The following MYCBP2 variants were observed in gnomAD, a reference collection of about 807,000 sequenced individuals.
MYCBP2 encodes the protein MYC binding protein 2, also known as E3 ubiquitin-protein ligase MYCBP2.
In MYCBP2, 120 loss-of-function variants were observed where a neutral mutation model predicts 525.3. The ratio of observed to expected loss-of-function variants is 0.23; its 90% confidence interval spans 0.20 to 0.27. The LOEUF (loss-of-function observed/expected upper bound fraction) is 0.27. Ranked by LOEUF, MYCBP2 falls within the 10% of genes least tolerant of loss-of-function variation. MYCBP2 has a pLI of 1.00. For missense variants in MYCBP2, 4,149 were observed against 5,657.1 expected, an observed-to-expected ratio of 0.73 and a Z score of 8.55; for synonymous variants, 1,894 against 1,955.8, an observed-to-expected ratio of 0.97 and a Z score of 0.83.
intron 2 of MYCBP2, among the ~76,000 whole-genome samples, chr13:77,294,133 T>TATATATATAC (rs2077902843): frequency 8.6e-5 from 11 of 127,264 alleles, no homozygotes; most frequent in African/African-American, 2.5e-4. Context: ...TATATATACA[T>TATATATATAC]ATATATATAC....
chr13:77,072,148 G>C (rs2041429059), intron 68 of MYCBP2, among the ~76,000 whole-genome samples: 1 of 151,908 alleles, frequency 6.6e-6, no homozygotes, highest in Admixed American at 6.6e-5. Context: ...AAAATTAGCT[G>C]GGCATGGTGG....
In MYCBP2 at chr13:77,077,133, T is replaced by C. The variant is rs1594291678; in HGVS notation, c.11724+15A>G. 1.2e-6 allele frequency: 2 copies of C among 1,611,994 alleles called. No individual in the cohort carries two copies. ...TCAATTATCCTGTGCTAGAATATGT[T>C]GTAAGGACACTCACTTGAGACGTAA... On this transcript the variant is annotated intron_variant, in intron 67 of 82. Transcript: ENST00000544440.
intron 49 of MYCBP2, among the ~76,000 whole-genome samples, chr13:77,141,233 A>G (rs1485866246): frequency 1.3e-5 from 2 of 152,208 alleles, no homozygotes; most frequent in African/African-American, 4.8e-5. Context: ...AAAAAAAAGA[A>G]CCCTTGAGAA....
intron 15 of MYCBP2, among the ~76,000 whole-genome samples, chr13:77,249,773 C>A (rs1005923540): frequency 1.3e-5 from 2 of 152,050 alleles, no homozygotes; most frequent in Non-Finnish European, 2.9e-5. Context: ...AAAAAATAAT[C>A]AGAGTCTTTC....
In MYCBP2 at chr13:77,228,691, T is replaced by TTGTGTGTGTGTGTG. The variant is rs34441629; in HGVS notation, c.2738-3151_2738-3138dup. On this transcript the variant is annotated intron_variant, in intron 18 of 82. Coordinates refer to ENST00000544440, the MANE Select transcript of MYCBP2 (RefSeq NM_015057.5). Reference sequence around the variant, plus strand: ...CTGTATTTTCCCTAAGATGAATATGTTGTGTGTGTGTGTGTGTGTGTGTGT... The same window carrying TTGTGTGTGTGTGTG: ...CTGTATTTTCCCTAAGATGAATATGTTGTGTGTGTGTGTGTGTGTGTGTGTGTGTGTGTGTGTGT... Among the ~76,000 whole-genome samples, 14 of 147,288 alleles carry TTGTGTGTGTGTGTG rather than the reference T, an allele frequency of 9.5e-5. No individual in the cohort carries two copies. The South Asian group carries it at 3.1e-3, about 32-fold the overall frequency.
chr13:77,253,756 T>A (rs925314778), intron 14 of MYCBP2, among the ~76,000 whole-genome samples: 2 of 152,004 alleles, frequency 1.3e-5, no homozygotes, highest in Non-Finnish European at 2.9e-5. Context: ...TACAGTATCA[T>A]TTCATAGCCA....
At chr13:77,136,360 A>G (rs929343483) in intron 52 of MYCBP2, among the ~76,000 whole-genome samples, 6 of 152,228 alleles carry the variant, frequency 3.9e-5, no homozygotes, top group Non-Finnish European at 8.8e-5. Flanking sequence ...CCAACTCTTT[A>G]ACTATAGTGC....
At chr13:77,206,598 A>C (rs961849011) in intron 24 of MYCBP2, 55 bp downstream of exon 24, 9 of 1,431,020 alleles carry the variant, frequency 6.3e-6, no homozygotes, top group African/African-American at 4.3e-5. Flanking sequence ...CTAAAAAAAA[A>C]CCCTGGACAG....
chr13:77,257,892 A>C, intron 13 of MYCBP2, 63 bp from the exon 14 acceptor site: 1 of 1,382,714 alleles, frequency 7.2e-7, no homozygotes, highest in Non-Finnish European at 9.8e-7. Context: ...TAGTAAAAGA[A>C]CTACCTCAAT....
At chr13:77,166,939 C>T (rs2058590977) in intron 40 of MYCBP2, among the ~76,000 whole-genome samples, 4 of 151,034 alleles carry the variant, frequency 2.6e-5, no homozygotes, top group Admixed American at 2.6e-4. Flanking sequence ...TTGACATACA[C>T]TTAGATGGGA....
intron 1 of MYCBP2, among the ~76,000 whole-genome samples, chr13:77,302,016 C>T (rs1376240316): frequency 1.3e-5 from 2 of 151,704 alleles, no homozygotes; most frequent in South Asian, 4.2e-4. Context: ...AATTCAATCA[C>T]GGAAACAAAA....
At chr13:77,053,301 T>C (rs2037217026) in intron 80 of MYCBP2, among the ~76,000 whole-genome samples, 1 of 152,154 alleles carries the variant, frequency 6.6e-6, no homozygotes, top group Non-Finnish European at 1.5e-5. Context: ...TCATGATGGG[T>C]GATTTATCTG....
At chr13:77,139,920 GT>G (rs2054342849) in intron 51 of MYCBP2, 126 bp downstream of exon 51, 1 of 573,788 alleles carries the variant, frequency 1.7e-6, no homozygotes, top group Admixed American at 3.4e-5. Context: ...CTATAAAATA[GT>G]TTTAAAATAT....
rs550091900 is a variant in MYCBP2 at position 77,094,417 on chromosome 13, T to C, written c.10199+941A>G. Among the ~76,000 whole-genome samples the C allele has an allele frequency of 2.0e-5, 3 of 152,302 alleles. 1 individual carries two copies. Among genetic ancestry groups the C allele is most frequent in the African/African-American group, 7.2e-5 (3 of 41,580 alleles). ...TCTAGTCTCCACATTAGCTTCCACA[T>C]TCCACAGTGATTTTTTAATTGCAAA... On this transcript the variant is annotated intron_variant, in intron 58 of 82. Transcript: ENST00000544440.
rs1328816219 is a variant in MYCBP2, at chr13:77,188,053, A to T, written c.4251+898T>A. On this transcript the variant is annotated intron_variant, in intron 30 of 82. Transcript: ENST00000544440. ...GCCACTGCACTCCAGCCTGGGCGAC[A>T]GAGCGAGACTCTGCCTCACCAAAAA... 2.0e-5 allele frequency among the ~76,000 whole-genome samples: 3 copies of T among 147,800 alleles called. No homozygotes were observed. In the Admixed American group the frequency reaches 2.0e-4, roughly 10 times the overall value.
chr13:77,128,652 G>A lies in MYCBP2; in HGVS notation c.7660-2110C>T, dbSNP rs149103585. Among the ~76,000 whole-genome samples the A allele has an allele frequency of 2.4e-3, 358 of 152,026 alleles. 4 individuals carry two copies. Among genetic ancestry groups the A allele is most frequent in the African/African-American group, 8.4e-3 (348 of 41,548 alleles). On this transcript the variant is annotated intron_variant, in intron 52 of 82. Coordinates refer to ENST00000544440, the MANE Select transcript of MYCBP2 (RefSeq NM_015057.5). ...AGTATAAAACACTGACAGACATAAA[G>A]TCATAGAACTGTGCCTATCATGCTC...
At chr13:77,210,178 T>C (rs1427739862) in intron 23 of MYCBP2, among the ~76,000 whole-genome samples, 1 of 151,456 alleles carries the variant, frequency 6.6e-6, no homozygotes, top group Non-Finnish European at 1.5e-5. Context: ...ATTTTGTATA[T>C]AAAGCACCAC....
At chr13:77,128,103 G>A (rs968750388) in intron 52 of MYCBP2, among the ~76,000 whole-genome samples, 9 of 151,622 alleles carry the variant, frequency 5.9e-5, no homozygotes, top group African/African-American at 2.2e-4. Context: ...ATATATATTT[G>A]TAAGAATTTA....
chr13:77,135,230 T>C (rs1368088481), intron 52 of MYCBP2, among the ~76,000 whole-genome samples: 3 of 152,248 alleles, frequency 2.0e-5, no homozygotes, highest in Non-Finnish European at 4.4e-5. Flanking sequence ...TTTGATTTCA[T>C]ATCTCCCAGC....
Sources: gnomAD v4.1 joint callset for allele counts (sites outside exome capture counted in the v4.1 genomes callset) on GRCh38, gnomAD v4.1.1 for gene constraint, MANE v1.5 for transcripts, NCBI Gene and HGNC (gene_info 2026-07-23, HGNC 2026-07-21) for gene names.